The following CCDC6 variants were observed in gnomAD, a reference collection of about 807,000 sequenced individuals.
CCDC6 encodes coiled-coil domain-containing protein 6.
A neutral mutation model predicts 56.6 loss-of-function variants in CCDC6; 20 were observed. The observed-to-expected ratio is 0.35, with a 90% CI of 0.25 to 0.51. The LOEUF is 0.51. Ranked by LOEUF, CCDC6 falls within the 20% of genes least tolerant of loss-of-function variation. The pLI is 0.95. For missense variants in CCDC6, 367 were observed against 601.1 expected, an observed-to-expected ratio of 0.61 and a Z score of 4.07; for synonymous variants, 241 against 234.4, an observed-to-expected ratio of 1.03 and a Z score of -0.26.
chr10:59,884,088 T>C (rs2071365863), intron 1 of CCDC6, among the ~76,000 whole-genome samples: 1 of 152,210 alleles, frequency 6.6e-6, no homozygotes, highest in Admixed American at 6.5e-5. Flanking sequence ...CATTTGGTAC[T>C]AAAAGCCATA....
At chr10:59,820,178 A>G (rs1265710757) in intron 3 of CCDC6, among the ~76,000 whole-genome samples, 2 of 152,222 alleles carry the variant, frequency 1.3e-5, no homozygotes, top group Non-Finnish European at 2.9e-5. Flanking sequence ...GTGGCTCCCA[A>G]TGCTACCACA....
chr10:59,877,042 T>C (rs2071289910), intron 1 of CCDC6, among the ~76,000 whole-genome samples: 1 of 152,188 alleles, frequency 6.6e-6, no homozygotes, highest in Non-Finnish European at 1.5e-5. Context: ...AAGATTAGTA[T>C]TTATGTATCT....
chr10:59,844,335 A>T (rs2070969543), intron 2 of CCDC6, among the ~76,000 whole-genome samples: 1 of 151,858 alleles, frequency 6.6e-6, no homozygotes, highest in South Asian at 2.1e-4. Flanking sequence ...TATATATCTA[A>T]AGGGTTAAGT....
chr10:59,822,242 T>C (rs2070754528), intron 3 of CCDC6, among the ~76,000 whole-genome samples: 1 of 152,242 alleles, frequency 6.6e-6, no homozygotes, highest in Non-Finnish European at 1.5e-5. Flanking sequence ...TATGCCATTA[T>C]TAACATGAAA....
At position 59,906,395 on chromosome 10, in the gene CCDC6, C is replaced by T. The variant is rs769197804; in HGVS notation, c.30G>A (p.Thr10=). The change falls in exon 1 of 9, where the codon ACG becomes ACA. Residue 10 remains threonine (T), a synonymous_variant. Transcript: ENST00000263102. MADSASESD[T]DGAGGNSSSS... is the part of the protein sequence containing the mutation. ...TGCTGCTGTTGCCCCCCGCCCCGTC[C>T]GTGTCGCTCTCGCTGGCGCTGTCCG... 4 of 1,581,590 alleles carry T rather than the reference C, an allele frequency of 2.5e-6. No individual in the cohort carries two copies. The highest frequency in any genetic ancestry group is 2.6e-6 in the Non-Finnish European group (3 of 1,172,860).
chr10:59,881,170 T>C (rs749050809), intron 1 of CCDC6, among the ~76,000 whole-genome samples: 11 of 152,162 alleles, frequency 7.2e-5, no homozygotes, highest in Non-Finnish European at 7.4e-5. Flanking sequence ...GTCTACTGTT[T>C]TCACTGTATT....
chr10:59,800,368 C>T (rs2070563404), intron 7 of CCDC6, among the ~76,000 whole-genome samples: 1 of 152,204 alleles, frequency 6.6e-6, no homozygotes, highest in Admixed American at 6.5e-5. Context: ...ATAATTTTGT[C>T]ACTTTGTGAA....
rs2070468181 is a variant in CCDC6 at position 59,791,581 on chromosome 10, C to T, written c.*1336G>A. ...TCTCTGATTATATCCAACAGATACACATTCTTGTCATAAAATATACATTCT... is the reference window on the plus strand; with the variant it reads ...TCTCTGATTATATCCAACAGATACATATTCTTGTCATAAAATATACATTCT... On this transcript the variant is annotated 3_prime_UTR_variant, in exon 9 of 9. Coordinates refer to ENST00000263102, the MANE Select transcript of CCDC6 (RefSeq NM_005436.5). 5.0e-6 allele frequency: 1 copy of T among 198,546 alleles called. No homozygotes were observed. The highest frequency in any genetic ancestry group is 1.0e-5 in the Non-Finnish European group (1 of 95,788). The allele number at this position is 198,546 out of a possible 1,614,324, so 12.3% of individuals were successfully genotyped here.
At chr10:59,822,712 C>A (rs931569091) in intron 3 of CCDC6, among the ~76,000 whole-genome samples, 14 of 152,100 alleles carry the variant, frequency 9.2e-5, no homozygotes, top group Admixed American at 2.0e-4. Flanking sequence ...CTGGGCAACA[C>A]AGTGACAGGG....
At chr10:59,882,049 GGGGGAGAAGGAAAGGAAA>G (rs2071342480) in intron 1 of CCDC6, among the ~76,000 whole-genome samples, 2 of 40,996 alleles carry the variant, frequency 4.9e-5, no homozygotes, top group African/African-American at 2.5e-4. Flanking sequence ...AGGAAAGCCA[GGGGGAGAAGGAAAGGAAA>G]GCCGCGGGGA....
intron 2 of CCDC6, among the ~76,000 whole-genome samples, chr10:59,836,911 CTA>C (rs1157943498): frequency 6.6e-6 from 1 of 152,164 alleles, no homozygotes; most frequent in African/African-American, 2.4e-5. Context: ...GAAAATGCAA[CTA>C]TATGCTCAAC....
At chr10:59,867,472 G>A (rs2071186954) in intron 1 of CCDC6, among the ~76,000 whole-genome samples, 2 of 152,178 alleles carry the variant, frequency 1.3e-5, no homozygotes, top group East Asian at 1.9e-4. Flanking sequence ...GGCTTCATAT[G>A]TATGATAAAA....
intron 1 of CCDC6, among the ~76,000 whole-genome samples, chr10:59,903,407 ATC>A (rs1465220378): frequency 3.3e-5 from 5 of 152,200 alleles, no homozygotes; most frequent in Admixed American, 1.3e-4. Context: ...TACGTGGGAA[ATC>A]TCTGTACTTT....
chr10:59,798,392 T>C lies in CCDC6; in HGVS notation c.1106-3795A>G, dbSNP rs10994017. On this transcript the variant is annotated intron_variant, in intron 7 of 8. Transcript: ENST00000263102. Reference sequence around the variant, plus strand: ...TTAGTTGTGCTATTATCGCAGGACTTTTCTGTGCCCTCAGCATCTAATACT... The same window carrying C: ...TTAGTTGTGCTATTATCGCAGGACTCTTCTGTGCCCTCAGCATCTAATACT... 8.0e-3 allele frequency among the ~76,000 whole-genome samples: 1,218 copies of C among 152,348 alleles called. 33 individuals carry two copies. In the East Asian group the frequency reaches 0.091, roughly 11 times the overall value.
chr10:59,855,574 A>G (rs1222816001), intron 1 of CCDC6, among the ~76,000 whole-genome samples: 1 of 152,148 alleles, frequency 6.6e-6, no homozygotes, highest in Non-Finnish European at 1.5e-5. Context: ...TCAAAAAAAC[A>G]AACCCCAAAA....
chr10:59,885,375 G>T (rs1245121017), intron 1 of CCDC6, among the ~76,000 whole-genome samples: 1 of 152,108 alleles, frequency 6.6e-6, no homozygotes, highest in East Asian at 1.9e-4. Context: ...CATTTTTGCA[G>T]GTCAAATTTA....
intron 1 of CCDC6, among the ~76,000 whole-genome samples, chr10:59,891,339 A>C (rs2071420932): frequency 6.6e-6 from 1 of 152,238 alleles, no homozygotes; most frequent in African/African-American, 2.4e-5. Flanking sequence ...GGAAAAATTC[A>C]CACAGCCTAA....
chr10:59,792,515 C>A lies in CCDC6; in HGVS notation c.*402G>T. ...TATTATAATGAGAGGAGGGTAACAACAGCTCAGTAATTTTCTGCAGATTCA... is the reference window on the plus strand; with the variant it reads ...TATTATAATGAGAGGAGGGTAACAAAAGCTCAGTAATTTTCTGCAGATTCA... On this transcript the variant is annotated 3_prime_UTR_variant, in exon 9 of 9. Transcript: ENST00000263102. 1 of 489,882 alleles carries A rather than the reference C, an allele frequency of 2.0e-6. No individual in the cohort carries two copies. The highest frequency in any genetic ancestry group is 3.9e-6 in the Non-Finnish European group (1 of 259,348). The allele number at this position is 489,882 out of a possible 1,614,324, so 30.3% of individuals were successfully genotyped here.
At chr10:59,814,352 G>A (rs1188629901) in intron 4 of CCDC6, among the ~76,000 whole-genome samples, 1 of 152,150 alleles carries the variant, frequency 6.6e-6, no homozygotes, top group African/African-American at 2.4e-5. Context: ...AGTTGAAATT[G>A]CAACCATTCT....
Sources: gnomAD v4.1 joint callset for allele counts (sites outside exome capture counted in the v4.1 genomes callset) on GRCh38, gnomAD v4.1.1 for gene constraint, MANE v1.5 for transcripts, NCBI Gene and HGNC (gene_info 2026-07-23, HGNC 2026-07-21) for gene names.